Variants in TBCD observed in about 807,000 individuals in gnomAD.
The protein encoded by TBCD is tubulin folding cofactor D, also known as tubulin-specific chaperone D.
In TBCD, 105 loss-of-function variants were observed where a neutral mutation model predicts 169.3. That is an observed-to-expected ratio of 0.62 (90% CI 0.53 to 0.73). TBCD has a LOEUF of 0.73. Ranked by LOEUF, TBCD falls within the 30% of genes least tolerant of loss-of-function variation. TBCD has a pLI of 0.00. For missense variants in TBCD, 1,444 were observed against 1,600.1 expected (o/e 0.90, Z 1.66); for synonymous variants, 700 against 643.9 (o/e 1.09, Z -1.32).
intron 6 of TBCD, among the ~76,000 whole-genome samples, chr17:82,775,113 C>T (rs1332262523): frequency 6.6e-6 from 1 of 152,190 alleles, no homozygotes; most frequent in East Asian, 1.9e-4. Flanking sequence ...CGCGCTGGCT[C>T]GGGATCCCGG....
chr17:82,865,253 C>T (rs886542149), intron 13 of TBCD, among the ~76,000 whole-genome samples: 5 of 151,906 alleles, frequency 3.3e-5, no homozygotes, highest in East Asian at 1.9e-4. Flanking sequence ...TCTGCAGGGA[C>T]GGCCACACGG....
At chr17:82,928,086 A>G in intron 30 of TBCD, 98 bp downstream of exon 30, 1 of 1,049,116 alleles carries the variant, frequency 9.5e-7, no homozygotes, top group South Asian at 1.3e-5. Context: ...TGGCATTTGC[A>G]CTGCTGGGCA....
chr17:82,927,761 C>G, intron 29 of TBCD, 144 bp from the exon 30 acceptor site: 2 of 700,736 alleles, frequency 2.9e-6, no homozygotes, highest in Non-Finnish European at 4.9e-6. Flanking sequence ...CTGCAGGCCC[C>G]GTGACTCCCT....
chr17:82,827,826 T>A (rs1449573772), intron 13 of TBCD, among the ~76,000 whole-genome samples: 1 of 106,414 alleles, frequency 9.4e-6, no homozygotes, highest in African/African-American at 3.8e-5. Context: ...CCCACAGATA[T>A]GCACCTTTGC....
chr17:82,854,939 CTCA>C (rs2056122918), intron 13 of TBCD, among the ~76,000 whole-genome samples: 2 of 152,318 alleles, frequency 1.3e-5, no homozygotes, highest in South Asian at 4.1e-4. Context: ...GTCCTTGGGA[CTCA>C]TCATCTACGA....
rs756186378 is a variant in TBCD at position 82,752,159 on chromosome 17, A to T, written c.-35A>T. On this transcript the variant is annotated 5_prime_UTR_variant, in exon 1 of 39. Transcript: ENST00000355528. ...CTCTAGCGGAGTGGGATCTGCGAAC[A>T]CGTGAGGCGGGGGCGCGGTCCCCAG... 6.7e-7 allele frequency: 1 copy of T among 1,482,010 alleles called. No individual in the cohort carries two copies. Among genetic ancestry groups the T allele is most frequent in the South Asian group, 1.3e-5 (1 of 77,026 alleles). 91.8% of individuals were successfully genotyped at this position (1,482,010 alleles called of 1,614,324 possible).
intron 6 of TBCD, among the ~76,000 whole-genome samples, chr17:82,774,662 C>T (rs912194937): frequency 4.6e-5 from 7 of 152,138 alleles, no homozygotes; most frequent in Admixed American, 2.0e-4. Context: ...GACGGAGCGG[C>T]GGCCGGGCGG....
At chr17:82,790,275 T>C (rs957105304) in intron 7 of TBCD, among the ~76,000 whole-genome samples, 6 of 152,180 alleles carry the variant, frequency 3.9e-5, no homozygotes, top group South Asian at 2.1e-4. Context: ...CATCCATTCA[T>C]AGAGTGCCAG....
intron 14 of TBCD, among the ~76,000 whole-genome samples, chr17:82,872,363 A>G (rs1028386624): frequency 1.3e-5 from 2 of 152,156 alleles, no homozygotes; most frequent in Admixed American, 1.3e-4. Context: ...TGCTCTCCCC[A>G]GTGGCCACTC....
chr17:82,876,384 C>T (rs545292037), intron 14 of TBCD, among the ~76,000 whole-genome samples: 2 of 152,322 alleles, frequency 1.3e-5, no homozygotes, highest in South Asian at 2.1e-4. Flanking sequence ...GTGTCTCTCT[C>T]CAGGTTCCCG....
intron 9 of TBCD, among the ~76,000 whole-genome samples, chr17:82,803,092 G>T (rs373983510): frequency 1.3e-5 from 2 of 152,000 alleles, no homozygotes; most frequent in Non-Finnish European, 1.5e-5. Flanking sequence ...TGTTAGTACC[G>T]TTCTCTTCTT....
chr17:82,945,768 G>A lies in TBCD; in HGVS notation c.*3305G>A, dbSNP rs144174937. On this transcript the variant is annotated 3_prime_UTR_variant, in exon 39 of 39. Coordinates refer to ENST00000355528, the MANE Select transcript of TBCD (RefSeq NM_005993.5). ...ACAAAAAGAAAAAAAAATGTCTCCA[G>A]ACACTGCCAAATATCTTCTGGGGGT... The A allele has an allele frequency of 3.3e-5, 5 of 152,316 alleles. No homozygotes were observed. The highest frequency in any genetic ancestry group is 7.3e-5 in the Non-Finnish European group (5 of 68,032). 9.4% of individuals were successfully genotyped at this position (152,316 alleles called of 1,614,324 possible). A position where few individuals can be genotyped will look rare whatever the true frequency, so the allele number is the denominator to read the frequency against.
Position 82,930,442 on chromosome 17 carries a change from T to C in TBCD, c.2992-80T>C, listed in dbSNP as rs952122803. ...CGGAGCAGTTCTGCTCTTCAGCAGA[T>C]GCTTGACCGGCTGTAGCCAAGCCTG... On this transcript the variant is annotated intron_variant, in intron 32 of 38. Transcript: ENST00000355528. This position sits in a 1 kb window ranked among gnomAD's most constrained non-coding sequence, Gnocchi z 5.2. The C allele has an allele frequency of 7.2e-5, 111 of 1,549,024 alleles. No homozygotes were observed. The Admixed American group carries it at 2.0e-3, about 28-fold the overall frequency.
intron 23 of TBCD, among the ~76,000 whole-genome samples, chr17:82,916,614 A>G (rs1414557702): frequency 6.6e-6 from 1 of 152,150 alleles, no homozygotes. Flanking sequence ...GGCACTTTAA[A>G]GATAATAGTC....
rs1296899546 is a variant in TBCD, at chr17:82,939,479, G to A, written c.3479+3G>A. On this transcript the variant is annotated splice_donor_region_variant and intron_variant, in intron 37 of 38. Transcript: ENST00000355528. ...ACTGTGCTCAGTGACACTGCGTGGTGAGTGAAGGCCCTTCCTGCACGGCCA... is the reference window on the plus strand; with the variant it reads ...ACTGTGCTCAGTGACACTGCGTGGTAAGTGAAGGCCCTTCCTGCACGGCCA... 6.2e-7 allele frequency: 1 copy of A among 1,611,406 alleles called. No homozygotes were observed. The highest frequency in any genetic ancestry group is 8.5e-7 in the Non-Finnish European group (1 of 1,178,708).
At chr17:82,942,165 C>G in intron 38 of TBCD, 1 of 550,060 alleles carries the variant, frequency 1.8e-6, no homozygotes, top group Non-Finnish European at 3.2e-6. Flanking sequence ...GTGCTTTTTA[C>G]ATTTTTATTA....
chr17:82,842,768 T>TTTTC (rs1363574727), intron 13 of TBCD, among the ~76,000 whole-genome samples: 1 of 150,878 alleles, frequency 6.6e-6, no homozygotes, highest in Non-Finnish European at 1.5e-5. Flanking sequence ...GTGTTCTTCA[T>TTTTC]TTTCTTTCTT....
Position 82,890,647 on chromosome 17 carries a change from T to G in TBCD, c.1563+950T>G, listed in dbSNP as rs2146387149. Among the ~76,000 whole-genome samples, 1 of 152,282 alleles carries G rather than the reference T, an allele frequency of 6.6e-6. No homozygotes were observed. Among genetic ancestry groups the G allele is most frequent in the Admixed American group, 6.5e-5 (1 of 15,298 alleles). On this transcript the variant is annotated intron_variant, in intron 16 of 38. Transcript: ENST00000355528. This position sits in a 1 kb window ranked among gnomAD's most constrained non-coding sequence, Gnocchi z 5.3. Reference sequence around the variant, plus strand: ...CCTGGCGTGAGTGGTGTGGGCGGCTTTCTGTAGACGGAGCCCAGGAAGGGG... The same window carrying G: ...CCTGGCGTGAGTGGTGTGGGCGGCTGTCTGTAGACGGAGCCCAGGAAGGGG...
At chr17:82,821,382 C>G (rs1296927302) in intron 13 of TBCD, among the ~76,000 whole-genome samples, 1 of 128,358 alleles carries the variant, frequency 7.8e-6, no homozygotes, top group Non-Finnish European at 1.7e-5. Context: ...CTCACACTTG[C>G]TTCCCAGCAC....
Sources: allele counts gnomAD v4.1 joint callset (sites outside exome capture counted in the v4.1 genomes callset), GRCh38; gene constraint gnomAD v4.1.1; non-coding constraint Gnocchi (gnomAD v3.1); transcripts MANE v1.5; gene names NCBI Gene and HGNC (gene_info 2026-07-23, HGNC 2026-07-21).